Variants in PDCD7 observed in about 807,000 individuals in gnomAD.
PDCD7 encodes programmed cell death protein 7.
A neutral mutation model predicts 42.1 loss-of-function variants in PDCD7; 40 were observed. That is an observed-to-expected ratio of 0.95 (90% CI 0.74 to 1.24). The LOEUF is 1.24. PDCD7 is among the 50% of genes most tolerant of loss of function. PDCD7 has a pLI of 0.00. For synonymous variants in PDCD7, 299 were observed against 303.3 expected, an observed-to-expected ratio of 0.99 and a Z score of 0.15; for missense variants, 644 against 662.8, an observed-to-expected ratio of 0.97 and a Z score of 0.31.
chr15:65,124,357 G>A (rs1239100828), intron 2 of PDCD7, among the ~76,000 whole-genome samples: 1 of 151,846 alleles, frequency 6.6e-6, no homozygotes, highest in African/African-American at 2.4e-5. Context: ...CCTGGGAGGT[G>A]GAGGTTGCAG....
intron 2 of PDCD7, among the ~76,000 whole-genome samples, chr15:65,122,524 G>T (rs1468631029): frequency 1.3e-5 from 2 of 152,008 alleles, no homozygotes; most frequent in African/African-American, 4.8e-5. Flanking sequence ...TGTTGATTCT[G>T]TACGTTCTTC....
At chr15:65,130,562 A>T (rs1225367431) in intron 1 of PDCD7, among the ~76,000 whole-genome samples, 1 of 152,188 alleles carries the variant, frequency 6.6e-6, no homozygotes, top group Non-Finnish European at 1.5e-5. Flanking sequence ...CTGTCAAATA[A>T]GTGCCTGTAA....
At position 65,133,098 on chromosome 15, in the gene PDCD7, C is replaced by T; in HGVS notation, c.684G>A (p.Gln228=). The change falls in exon 1 of 5, where the codon CAG becomes CAA. Residue 228 remains glutamine, a synonymous_variant. Transcript: ENST00000204549. ...ELAERLQPLT[Q]AAYVGEARRR... ...TCCGCGCCTCGCCCACATAGGCAGCCTGGGTCAACGGCTGTAGCCGCTCGG... is the reference window on the plus strand; with the variant it reads ...TCCGCGCCTCGCCCACATAGGCAGCTTGGGTCAACGGCTGTAGCCGCTCGG... The T allele has an allele frequency of 6.4e-7, 1 of 1,560,180 alleles. No homozygotes were observed. The highest frequency in any genetic ancestry group is 1.7e-4 in the Middle Eastern group (1 of 5,790).
At chr15:65,129,475 C>G (rs2087522519) in intron 1 of PDCD7, among the ~76,000 whole-genome samples, 1 of 152,190 alleles carries the variant, frequency 6.6e-6, no homozygotes, top group African/African-American at 2.4e-5. Flanking sequence ...AGGTGTCCAA[C>G]TTACCTTGTT....
chr15:65,129,000 G>A, intron 2 of PDCD7, 32 bp downstream of exon 2: 3 of 1,612,600 alleles, frequency 1.9e-6, no homozygotes, highest in Non-Finnish European at 1.7e-6. Context: ...AAGGGGAAGG[G>A]AACAAGGAAA....
rs2087559111 is a variant in PDCD7, at chr15:65,133,291, C to T, written c.491G>A (p.Arg164His). ...GCCAAGGCTGGGCCCGGCATGCGTG[C>T]GCTGGGGCACCGGACAGCCTGCCCG... ...PRRAGCPVPQ[R>H]THAGPSLGEV... Residue 164 changes from arginine to histidine, a missense_variant, in exon 1 of 5, where the codon CGC becomes CAC. Coordinates refer to ENST00000204549, the MANE Select transcript of PDCD7 (RefSeq NM_005707.2). 1.5e-6 allele frequency: 2 copies of T among 1,315,338 alleles called. No homozygotes were observed. Among genetic ancestry groups the T allele is most frequent in the Non-Finnish European group, 1.9e-6 (2 of 1,038,298 alleles). 81.5% of individuals were successfully genotyped at this position (1,315,338 alleles called of 1,614,324 possible). A position where few individuals can be genotyped will look rare whatever the true frequency, so the allele number is the denominator to read the frequency against.
intron 2 of PDCD7, among the ~76,000 whole-genome samples, chr15:65,127,384 G>A (rs1308187594): frequency 6.7e-6 from 1 of 149,884 alleles, no homozygotes; most frequent in Non-Finnish European, 1.5e-5. Context: ...GTGAACCCGG[G>A]AAGCGGAGCT....
Position 65,133,661 on chromosome 15 carries a change from G to C in PDCD7, c.121C>G (p.Leu41Val). 1 of 1,265,124 alleles carries C rather than the reference G, an allele frequency of 7.9e-7. No individual in the cohort carries two copies. 78.4% of individuals were successfully genotyped at this position (1,265,124 alleles called of 1,614,324 possible). The change falls in exon 1 of 5, where the codon CTC becomes GTC. Residue 41 changes from leucine to valine, a missense_variant. Transcript: ENST00000204549. The part of the protein sequence containing the change: ...PLPSPAFPPP[L>V]PQRPGPFPGA... ...GGAAAAGGGCCGGGCCGCTGGGGGA[G>C]AGGCGGCGGGAAAGCCGGGGAGGGC... is the stretch of plus-strand genomic sequence containing the variant.
At chr15:65,129,904 T>C (rs1325923301) in intron 1 of PDCD7, among the ~76,000 whole-genome samples, 1 of 146,266 alleles carries the variant, frequency 6.8e-6, no homozygotes, top group African/African-American at 2.5e-5. Flanking sequence ...GGCAACAGAG[T>C]GAAACTTTGT....
At chr15:65,125,211 T>A (rs2087486445) in intron 2 of PDCD7, among the ~76,000 whole-genome samples, 1 of 152,132 alleles carries the variant, frequency 6.6e-6, no homozygotes, top group Admixed American at 6.6e-5. Context: ...AGTTAATCCC[T>A]CCACCTGGGA....
intron 2 of PDCD7, among the ~76,000 whole-genome samples, chr15:65,123,112 C>G (rs2087470242): frequency 6.6e-6 from 1 of 152,144 alleles, no homozygotes; most frequent in African/African-American, 2.4e-5. Context: ...TATATTTGCT[C>G]AGTTACCAAA....
chr15:65,133,677 C>T lies in PDCD7; in HGVS notation c.105G>A (p.Pro35=), dbSNP rs1209637366. The T allele has an allele frequency of 3.9e-6, 5 of 1,268,256 alleles. No homozygotes were observed. Among genetic ancestry groups the T allele is most frequent in the Non-Finnish European group, 5.0e-6 (5 of 1,001,046 alleles). 78.6% of individuals were successfully genotyped at this position (1,268,256 alleles called of 1,614,324 possible). ...GCTGGGGGAGAGGCGGCGGGAAAGCCGGGGAGGGCAGCGGCGGTGGCGGAC... is the reference window on the plus strand; with the variant it reads ...GCTGGGGGAGAGGCGGCGGGAAAGCTGGGGAGGGCAGCGGCGGTGGCGGAC... The part of the protein sequence containing the change: ...FGCPPPPLPS[P]AFPPPLPQRP... Residue 35 remains proline, a synonymous_variant, in exon 1 of 5, where the codon CCG becomes CCA. Coordinates refer to ENST00000204549, the MANE Select transcript of PDCD7 (RefSeq NM_005707.2).
rs754405988 is a variant in PDCD7, at chr15:65,133,146, G to T, written c.636C>A (p.Thr212=). ...GAAWVLLYSQ[T]APLRAELAER... ...CGGCCAGTTCCGCGCGCAGCGGCGC[G>T]GTCTGGGAGTACAGCAGGACCCAGG... is the stretch of plus-strand genomic sequence containing the variant. Residue 212 remains threonine (T), a synonymous_variant, in exon 1 of 5, where the codon ACC becomes ACA. Coordinates refer to ENST00000204549, the MANE Select transcript of PDCD7 (RefSeq NM_005707.2). 3 of 1,531,846 alleles carry T rather than the reference G, an allele frequency of 2.0e-6. No homozygotes were observed. Among genetic ancestry groups the T allele is most frequent in the African/African-American group, 1.4e-5 (1 of 72,244 alleles). The allele number at this position is 1,531,846 out of a possible 1,614,324, so 94.9% of individuals were successfully genotyped here. A position where few individuals can be genotyped will look rare whatever the true frequency, so the allele number is the denominator to read the frequency against.
chr15:65,129,554 A>G (rs1162821493), intron 1 of PDCD7, among the ~76,000 whole-genome samples: 2 of 152,208 alleles, frequency 1.3e-5, no homozygotes, highest in Non-Finnish European at 2.9e-5. Context: ...AGGATAAGGA[A>G]TGTGGCTGGA....
At chr15:65,121,573 TCTG>T (rs1451926950) in intron 2 of PDCD7, among the ~76,000 whole-genome samples, 1 of 152,200 alleles carries the variant, frequency 6.6e-6, no homozygotes, top group Non-Finnish European at 1.5e-5. Context: ...GACCTTGCAG[TCTG>T]CTGCTGACAG....
intron 2 of PDCD7, among the ~76,000 whole-genome samples, chr15:65,124,266 A>T (rs980322382): frequency 2.0e-5 from 3 of 152,022 alleles, no homozygotes; most frequent in African/African-American, 7.3e-5. Flanking sequence ...TACTAAAAAA[A>T]ATACAAAAAT....
chr15:65,128,969 G>A, intron 2 of PDCD7, 63 bp downstream of exon 2: 1 of 1,560,256 alleles, frequency 6.4e-7, no homozygotes, highest in Non-Finnish European at 8.8e-7. Context: ...AATATTTGGG[G>A]TGGGAGGAGC....
rs1466044201 is a variant in PDCD7 at position 65,133,451 on chromosome 15, G to A, written c.331C>T (p.Pro111Ser). ...CTCCAGGGCGGCCCCGGGCCGGGAG[G>A]CGGTGGCCGCGGCCGCTCGCCGGCG... ...TDAGERPRPPPPGPGPPWSPR... is the reference protein window; with the variant it reads ...TDAGERPRPPSPGPGPPWSPR... Residue 111 changes from proline (P) to serine (S), a missense_variant, in exon 1 of 5, where the codon CCT becomes TCT. Transcript: ENST00000204549. The A allele has an allele frequency of 1.7e-6, 2 of 1,201,476 alleles. No homozygotes were observed. The highest frequency in any genetic ancestry group is 4.4e-5 in the Admixed American group (1 of 22,512). The allele number at this position is 1,201,476 out of a possible 1,614,324, so 74.4% of individuals were successfully genotyped here.
Position 65,133,656 on chromosome 15 carries a change from G to A in PDCD7, c.126C>T (p.Pro42=). 3 of 1,264,330 alleles carry A rather than the reference G, an allele frequency of 2.4e-6. No homozygotes were observed. Among genetic ancestry groups the A allele is most frequent in the Non-Finnish European group, 3.0e-6 (3 of 999,806 alleles). 78.3% of individuals were successfully genotyped at this position (1,264,330 alleles called of 1,614,324 possible). Residue 42 remains proline (P), a synonymous_variant, in exon 1 of 5, where the codon CCC becomes CCT. Transcript: ENST00000204549. ...CCCCCGGAAAAGGGCCGGGCCGCTG[G>A]GGGAGAGGCGGCGGGAAAGCCGGGG... The part of the protein sequence containing the change: ...LPSPAFPPPL[P]QRPGPFPGAS...
Sources: gnomAD v4.1 joint callset for allele counts (sites outside exome capture counted in the v4.1 genomes callset) on GRCh38, gnomAD v4.1.1 for gene constraint, MANE v1.5 for transcripts, NCBI Gene and HGNC (gene_info 2026-07-23, HGNC 2026-07-21) for gene names.